MDH2: variants seen among roughly 807,000 people sequenced by gnomAD.
MDH2 encodes the protein malate dehydrogenase 2.
In MDH2, 25 loss-of-function variants were observed where a neutral mutation model predicts 33.6. The ratio of observed to expected loss-of-function variants is 0.74; its 90% confidence interval spans 0.54 to 1.04. The LOEUF (loss-of-function observed/expected upper bound fraction) is 1.04, where lower values mean the gene tolerates loss of function less well. Among genes scored for constraint, MDH2 ranks in the 50% least tolerant of loss-of-function variants. The pLI, the probability that MDH2 is intolerant of heterozygous loss-of-function variation, is 0.00. For synonymous variants in MDH2, 193 were observed against 188.7 expected, an observed-to-expected ratio of 1.02 and a Z score of -0.19; for missense variants, 432 against 445.0, an observed-to-expected ratio of 0.97 and a Z score of 0.26.
In MDH2 at chr7:76,066,626, T is replaced by G; in HGVS notation, c.*216T>G. The G allele has an allele frequency of 2.1e-6, 1 of 484,236 alleles. No individual in the cohort carries two copies. The allele number at this position is 484,236 out of a possible 1,614,324, so 30.0% of individuals were successfully genotyped here. A position where few individuals can be genotyped will look rare whatever the true frequency, so the allele number is the denominator to read the frequency against. On this transcript the variant is annotated 3_prime_UTR_variant, in exon 9 of 9. Transcript: ENST00000315758. ...TCCCTTCTGTAAATGCTGTGCTTTC[T>G]TCCCTGTGAGAGCCAACTTTAGAGT...
intron 5 of MDH2, among the ~76,000 whole-genome samples, chr7:76,061,292 C>T (rs375944494): frequency 1.3e-5 from 2 of 152,186 alleles, no homozygotes; most frequent in Admixed American, 6.5e-5. Flanking sequence ...CCTTGGCCTC[C>T]GTTTTACTCC....
chr7:76,065,955 C>T (rs1326477790), intron 8 of MDH2, among the ~76,000 whole-genome samples: 5 of 152,178 alleles, frequency 3.3e-5, no homozygotes, highest in Non-Finnish European at 5.9e-5. Flanking sequence ...AGGTGCTTGT[C>T]GCATTGTCCT....
intron 1 of MDH2, among the ~76,000 whole-genome samples, chr7:76,051,838 C>T (rs1554585493): frequency 6.6e-6 from 1 of 152,112 alleles, no homozygotes; most frequent in Non-Finnish European, 1.5e-5. Flanking sequence ...TGTTGATAGC[C>T]ACTCTGCCAC....
chr7:76,061,384 T>C (rs1484046763), intron 5 of MDH2, among the ~76,000 whole-genome samples: 1 of 152,014 alleles, frequency 6.6e-6, no homozygotes, highest in Non-Finnish European at 1.5e-5. Context: ...GAGGGCCTGG[T>C]AGTGGGACTC....
intron 1 of MDH2, among the ~76,000 whole-genome samples, chr7:76,050,515 C>T (rs540416401): frequency 1.8e-4 from 28 of 152,304 alleles, no homozygotes; most frequent in Middle Eastern, 3.4e-3. Context: ...GAAAATGAGG[C>T]TAGGGTAGTT....
intron 5 of MDH2, 25 bp downstream of exon 5, chr7:76,060,523 A>G: frequency 6.2e-7 from 1 of 1,611,946 alleles, no homozygotes; most frequent in Non-Finnish European, 8.5e-7. Context: ...GGTGTTGCTC[A>G]GGTGACCTTT....
chr7:76,064,684 G>A, intron 7 of MDH2, 118 bp from the exon 8 acceptor site: 7 of 1,202,112 alleles, frequency 5.8e-6, no homozygotes, highest in Non-Finnish European at 8.0e-6. Flanking sequence ...TCGGGGTGCT[G>A]ACTGAAATTC....
At position 76,057,883 on chromosome 7, in the gene MDH2, C is replaced by T. The variant is rs2116675155; in HGVS notation, c.320-86C>T. On this transcript the variant is annotated intron_variant, in intron 3 of 8. Transcript: ENST00000315758. ...ACGGGGACCTTGAGTGGCTAAATTT[C>T]CTGTAACAGCTGGCGCTCAGCACAT... is the stretch of plus-strand genomic sequence containing the variant. 3.1e-6 allele frequency: 4 copies of T among 1,307,862 alleles called. No individual in the cohort carries two copies. In the East Asian group the frequency reaches 9.6e-5, roughly 31 times the overall value. The allele number at this position is 1,307,862 out of a possible 1,614,324, so 81.0% of individuals were successfully genotyped here. A position where few individuals can be genotyped will look rare whatever the true frequency, so the allele number is the denominator to read the frequency against.
At chr7:76,049,293 T>C (rs1179736438) in intron 1 of MDH2, among the ~76,000 whole-genome samples, 2 of 152,114 alleles carry the variant, frequency 1.3e-5, no homozygotes, top group African/African-American at 4.8e-5. Context: ...GGCAACCCCA[T>C]TGTAAGTTGA....
chr7:76,052,036 A>T (rs1554585530), intron 1 of MDH2, among the ~76,000 whole-genome samples: 2 of 152,214 alleles, frequency 1.3e-5, no homozygotes, highest in African/African-American at 4.8e-5. Context: ...ACCTTGACAA[A>T]GTGAAAGCAA....
chr7:76,051,964 A>C (rs945673425), intron 1 of MDH2, among the ~76,000 whole-genome samples: 1 of 151,862 alleles, frequency 6.6e-6, no homozygotes, highest in East Asian at 1.9e-4. Context: ...TATACTACTT[A>C]AGGATTGTGG....
At chr7:76,050,969 C>T (rs1797607931) in intron 1 of MDH2, among the ~76,000 whole-genome samples, 1 of 152,136 alleles carries the variant, frequency 6.6e-6, no homozygotes, top group Non-Finnish European at 1.5e-5. Context: ...GCAGCCTCCG[C>T]CTCCTGGGTT....
At chr7:76,054,548 C>T (rs541175022) in intron 1 of MDH2, 1 of 415,140 alleles carries the variant, frequency 2.4e-6, no homozygotes, top group Non-Finnish European at 4.3e-6. Flanking sequence ...GTTACCAGTC[C>T]AGCTGCCTGA....
chr7:76,063,486 C>G (rs189108735), intron 5 of MDH2, 29 bp from the exon 6 acceptor site: 25 of 1,606,452 alleles, frequency 1.6e-5, no homozygotes, highest in Non-Finnish European at 2.1e-5. Context: ...AGCTTGTTAA[C>G]TCATCCAGCT....
At chr7:76,051,659 A>C (rs1797630448) in intron 1 of MDH2, among the ~76,000 whole-genome samples, 2 of 152,236 alleles carry the variant, frequency 1.3e-5, no homozygotes, top group Admixed American at 1.3e-4. Flanking sequence ...TAGGAAGCAC[A>C]TAGCCCCAAT....
rs782472423 is a variant in MDH2 at position 76,057,977 on chromosome 7, C to G, written c.328C>G (p.Arg110Gly). 1.2e-6 allele frequency: 2 copies of G among 1,613,842 alleles called. No individual in the cohort carries two copies. Among genetic ancestry groups the G allele is most frequent in the Non-Finnish European group, 1.7e-6 (2 of 1,179,942 alleles). Residue 110 changes from arginine (R) to glycine (G), a missense_variant, in exon 4 of 9, where the codon CGG becomes GGG. Arg to Gly is a moderately radical substitution (Grantham distance 125). Coordinates refer to ENST00000315758, the MANE Select transcript of MDH2 (RefSeq NM_005918.4). ...AGVPRKPGMT[R>G]DDLFNTNATI... ...TATTGGATCATTTCCAGGCATGACC[C>G]GGGACGACCTGTTCAACACCAATGC... is the stretch of plus-strand genomic sequence containing the variant.
chr7:76,059,109 A>G (rs1380235191), intron 4 of MDH2, among the ~76,000 whole-genome samples: 1 of 152,090 alleles, frequency 6.6e-6, no homozygotes, highest in African/African-American at 2.4e-5. Flanking sequence ...ATGCCCAGCT[A>G]ATTTTTGTAC....
chr7:76,064,209 T>G, intron 6 of MDH2, 130 bp from the exon 7 acceptor site: 1 of 614,352 alleles, frequency 1.6e-6, no homozygotes, highest in Non-Finnish European at 2.8e-6. Context: ...TTTTTCTTCT[T>G]TATAGAAAAC....
intron 1 of MDH2, among the ~76,000 whole-genome samples, chr7:76,051,016 G>A (rs1039423493): frequency 2.0e-5 from 3 of 152,072 alleles, no homozygotes; most frequent in East Asian, 3.9e-4. Flanking sequence ...TGAGTAGCTG[G>A]GATTACAGGT....
Sources: allele counts gnomAD v4.1 joint callset (sites outside exome capture counted in the v4.1 genomes callset), GRCh38; gene constraint gnomAD v4.1.1; transcripts MANE v1.5; gene names NCBI Gene and HGNC (gene_info 2026-07-23, HGNC 2026-07-21).